CALCOCO2: variants seen among roughly 807,000 people sequenced by gnomAD.
CALCOCO2 encodes calcium-binding and coiled-coil domain-containing protein 2.
Under a neutral mutation model 62.5 loss-of-function variants are expected in CALCOCO2, and 42 were observed. The observed-to-expected ratio is 0.67, with a 90% CI of 0.53 to 0.87. The LOEUF (loss-of-function observed/expected upper bound fraction) is 0.87, where lower values mean the gene tolerates loss of function less well. CALCOCO2 is among the 40% of genes least tolerant of loss of function. The pLI is 0.00. For synonymous variants in CALCOCO2, 167 were observed against 173.0 expected (o/e 0.97, Z 0.27); for missense variants, 456 against 515.0 (o/e 0.89, Z 1.11).
In CALCOCO2 at chr17:48,863,174, A is replaced by G. The variant is rs2040352148; in HGVS notation, c.*169A>G. 1.7e-6 allele frequency: 1 copy of G among 595,964 alleles called. No individual in the cohort carries two copies. The highest frequency in any genetic ancestry group is 1.9e-5 in the South Asian group (1 of 52,088). 36.9% of individuals were successfully genotyped at this position (595,964 alleles called of 1,614,324 possible). On this transcript the variant is annotated 3_prime_UTR_variant, in exon 13 of 13. Coordinates refer to ENST00000258947, the MANE Select transcript of CALCOCO2 (RefSeq NM_005831.5). ...GTCACTGATCTGAAGGTCACTGTTA[A>G]GGGCTTCTGCTGCCATCCTTGTGGG...
intron 1 of CALCOCO2, chr17:48,839,605 T>C (rs2039947223): frequency 6.7e-6 from 1 of 148,758 alleles, no homozygotes. Flanking sequence ...TGCCTCAGCC[T>C]CCCAAAGTGT....
chr17:48,843,365 A>C (rs186168060), intron 2 of CALCOCO2, among the ~76,000 whole-genome samples: 4 of 152,130 alleles, frequency 2.6e-5, no homozygotes, highest in African/African-American at 7.2e-5. Flanking sequence ...TACACTGCCA[A>C]CTCCCAACGT....
rs766101927 is a variant in CALCOCO2, at chr17:48,848,416, T to C, written c.378T>C (p.Arg126=). ...VRGASIPFQF[R]PENEEDILVV... ...GAGCAAGTATTCCTTTCCAATTCCGTCCAGAAAATGAGGAAGACATCCTGG... is the reference window on the plus strand; with the variant it reads ...GAGCAAGTATTCCTTTCCAATTCCGCCCAGAAAATGAGGAAGACATCCTGG... The change falls in exon 4 of 13, where the codon CGT becomes CGC. Residue 126 remains arginine, a synonymous_variant. Coordinates refer to ENST00000258947, the MANE Select transcript of CALCOCO2 (RefSeq NM_005831.5). The C allele has an allele frequency of 6.2e-7, 1 of 1,614,014 alleles. No individual in the cohort carries two copies. The highest frequency in any genetic ancestry group is 1.1e-5 in the South Asian group (1 of 91,080).
intron 2 of CALCOCO2, among the ~76,000 whole-genome samples, chr17:48,845,813 C>T (rs2040045570): frequency 6.6e-6 from 1 of 151,618 alleles, no homozygotes; most frequent in Non-Finnish European, 1.5e-5. Context: ...ATCTCTTGGG[C>T]ATAAGTAAGT....
intron 10 of CALCOCO2, chr17:48,856,483 G>A (rs1051229012): frequency 2.1e-6 from 1 of 470,872 alleles, no homozygotes; most frequent in Admixed American, 2.4e-5. Context: ...ATGTTGCCTT[G>A]GGGGATAGGG....
intron 9 of CALCOCO2, among the ~76,000 whole-genome samples, chr17:48,854,854 G>A (rs1208189471): frequency 6.6e-6 from 1 of 152,154 alleles, no homozygotes; most frequent in Non-Finnish European, 1.5e-5. Flanking sequence ...CAAGAAAGCG[G>A]CACTAACTGT....
At chr17:48,846,060 C>T (rs949924126) in intron 2 of CALCOCO2, 4 of 1,485,272 alleles carry the variant, frequency 2.7e-6, no homozygotes, top group Non-Finnish European at 2.7e-6. Context: ...CTATTCAACT[C>T]CTCATCACCC....
At chr17:48,845,337 G>A (rs1468656808) in intron 2 of CALCOCO2, among the ~76,000 whole-genome samples, 1 of 149,860 alleles carries the variant, frequency 6.7e-6, no homozygotes, top group East Asian at 1.9e-4. Context: ...GTGTGTGTGT[G>A]TGTGTGTGTG....
At chr17:48,856,583 A>G (rs1486938274) in intron 10 of CALCOCO2, 1 of 456,442 alleles carries the variant, frequency 2.2e-6, no homozygotes, top group Non-Finnish European at 4.4e-6. Context: ...AACCAGGAGC[A>G]GAAGTGGTGG....
intron 6 of CALCOCO2, 94 bp from the exon 7 acceptor site, chr17:48,851,465 G>A: frequency 1.3e-6 from 1 of 791,402 alleles, no homozygotes; most frequent in Non-Finnish European, 2.3e-6. Context: ...TAATTCTGCA[G>A]GCTTAGGGCC....
At chr17:48,844,272 C>T (rs1172332545) in intron 2 of CALCOCO2, among the ~76,000 whole-genome samples, 1 of 151,964 alleles carries the variant, frequency 6.6e-6, no homozygotes, top group Non-Finnish European at 1.5e-5. Flanking sequence ...AATGCAGGTA[C>T]AGATCATGAA....
intron 1 of CALCOCO2, among the ~76,000 whole-genome samples, chr17:48,839,670 C>CTTTTTTTTTTT (rs766846336): frequency 4.5e-5 from 3 of 66,172 alleles, no homozygotes; most frequent in African/African-American, 6.4e-5. Context: ...CTTTGCTTTG[C>CTTTTTTTTTTT]TTTTTTTTTT....
Position 48,860,425 on chromosome 17 carries a change from C to T in CALCOCO2, c.1120C>T (p.Leu374Phe). Reference protein sequence around the residue: ...DEGGARQNPGLAYGNPYSGIQ... With the variant: ...DEGGARQNPGFAYGNPYSGIQ... ...AGGAGGCGCAAGACAAAATCCAGGA[C>T]TTGCCTATGGAAACCCATATTCTGG... is the stretch of plus-strand genomic sequence containing the variant. The change falls in exon 11 of 13, where the codon CTT (leucine) becomes TTT (phenylalanine). Residue 374 changes from leucine to phenylalanine, a missense_variant. Coordinates refer to ENST00000258947, the MANE Select transcript of CALCOCO2 (RefSeq NM_005831.5). The T allele has an allele frequency of 1.2e-6, 2 of 1,614,026 alleles. No homozygotes were observed. The highest frequency in any genetic ancestry group is 1.1e-5 in the South Asian group (1 of 91,080).
intron 2 of CALCOCO2, 112 bp from the exon 3 acceptor site, chr17:48,847,952 G>T: frequency 1.5e-6 from 1 of 656,360 alleles, no homozygotes. Context: ...ACTGCACCCG[G>T]CCTATATTTT....
chr17:48,848,144 A>G lies in CALCOCO2; in HGVS notation c.261A>G (p.Lys87=), dbSNP rs1238791251. ...LPIDLNNKSA[K]QQEVQFKAYY... Reference sequence around the variant, plus strand: ...TTGACCTAAACAACAAATCAGCTAAACAGCAGGAAGTCCAATTCAAAGGTG... The same window carrying G: ...TTGACCTAAACAACAAATCAGCTAAGCAGCAGGAAGTCCAATTCAAAGGTG... The change falls in exon 3 of 13, where the codon AAA becomes AAG. Residue 87 remains lysine (K), a synonymous_variant. Coordinates refer to ENST00000258947, the MANE Select transcript of CALCOCO2 (RefSeq NM_005831.5). 1 of 1,612,264 alleles carries G rather than the reference A, an allele frequency of 6.2e-7. No homozygotes were observed. Among genetic ancestry groups the G allele is most frequent in the Non-Finnish European group, 8.5e-7 (1 of 1,178,398 alleles).
chr17:48,854,382 T>TTATATATATATATATATATA (rs201839175), intron 9 of CALCOCO2, among the ~76,000 whole-genome samples: 79 of 5,988 alleles, frequency 0.013, 8 homozygotes, highest in South Asian at 0.014. Flanking sequence ...TTTCTTTTAT[T>TTATATATATATATATATATA]TATATATATA....
At chr17:48,841,924 A>AAGAATCACCTCTAGTTCCT in intron 2 of CALCOCO2, 37 bp downstream of exon 2, 1 of 1,463,828 alleles carries the variant, frequency 6.8e-7, no homozygotes, top group Non-Finnish European at 9.4e-7. Flanking sequence ...ATCAGGAACT[A>AAGAATCACCTCTAGTTCCT]GAGGTGATTC....
At chr17:48,841,646 A>T in intron 1 of CALCOCO2, 52 bp from the exon 2 acceptor site, 2 of 1,307,462 alleles carry the variant, frequency 1.5e-6, no homozygotes, top group East Asian at 5.1e-5. Flanking sequence ...GAAATCACCA[A>T]CATTTCAGAC....
chr17:48,849,172 C>A, intron 4 of CALCOCO2, 80 bp from the exon 5 acceptor site: 1 of 1,380,160 alleles, frequency 7.2e-7, no homozygotes, highest in Non-Finnish European at 1.0e-6. Flanking sequence ...TGGGAATCAG[C>A]CAGTCCCTCA....
Sources: allele counts gnomAD v4.1 joint callset (sites outside exome capture counted in the v4.1 genomes callset), GRCh38; gene constraint gnomAD v4.1.1; transcripts MANE v1.5; gene names NCBI Gene and HGNC (gene_info 2026-07-23, HGNC 2026-07-21).